Variants in PTPRT observed in about 807,000 individuals in gnomAD.
PTPRT encodes the protein receptor-type tyrosine-protein phosphatase T.
Under a neutral mutation model 176.8 loss-of-function variants are expected in PTPRT, and 56 were observed. The ratio of observed to expected loss-of-function variants is 0.32; its 90% CI spans 0.26 to 0.40. The LOEUF (loss-of-function observed/expected upper bound fraction) is 0.40. Among genes scored for constraint, PTPRT ranks in the 10% least tolerant of loss-of-function variants. PTPRT has a pLI of 1.00. For synonymous variants in PTPRT, 783 were observed against 739.0 expected, an observed-to-expected ratio of 1.06 and a Z score of -0.96; for missense variants, 1,540 against 1,908.2, an observed-to-expected ratio of 0.81 and a Z score of 3.60.
chr20:42,677,480 C>A (rs945093922), intron 7 of PTPRT, among the ~76,000 whole-genome samples: 5 of 151,996 alleles, frequency 3.3e-5, no homozygotes, highest in Non-Finnish European at 5.9e-5. Flanking sequence ...GAGACAAAAC[C>A]AAGAGCCCTC....
intron 15 of PTPRT, among the ~76,000 whole-genome samples, chr20:42,225,583 A>T (rs1175421154): frequency 1.3e-5 from 2 of 152,274 alleles, no homozygotes; most frequent in Admixed American, 6.5e-5. Context: ...GTTATGAAAA[A>T]AAGTGTGTTT....
At chr20:42,766,495 A>C (rs2076984703) in intron 5 of PTPRT, among the ~76,000 whole-genome samples, 1 of 152,200 alleles carries the variant, frequency 6.6e-6, no homozygotes, top group Non-Finnish European at 1.5e-5. Context: ...GTAATTCCAC[A>C]AAAGCCAGCA....
chr20:42,051,187 G>T, the PTPRT span, among the ~76,000 whole-genome samples: 1 of 152,200 alleles, frequency 6.6e-6, no homozygotes, highest in Non-Finnish European at 1.5e-5. Context: ...GACCAAAAGT[G>T]GTCATCGCCT....
intron 2 of PTPRT, among the ~76,000 whole-genome samples, chr20:42,850,312 G>C (rs952056516): frequency 6.6e-6 from 1 of 152,128 alleles, no homozygotes; most frequent in African/African-American, 2.4e-5. Context: ...AGATTCCCAG[G>C]TCCTCAAGTT....
chr20:42,974,861 A>G (rs1982851536), intron 1 of PTPRT, among the ~76,000 whole-genome samples: 1 of 152,212 alleles, frequency 6.6e-6, no homozygotes. Flanking sequence ...TGTCATCAGC[A>G]TTCGTTCCAA....
At chr20:42,898,440 C>G (rs2079342531) in intron 1 of PTPRT, among the ~76,000 whole-genome samples, 2 of 152,250 alleles carry the variant, frequency 1.3e-5, no homozygotes, top group South Asian at 2.1e-4. Context: ...ACTGCTGGCC[C>G]TAAGTGATCC....
chr20:42,248,107 G>A (rs888909645), intron 14 of PTPRT, among the ~76,000 whole-genome samples: 1 of 152,118 alleles, frequency 6.6e-6, no homozygotes, highest in African/African-American at 2.4e-5. Context: ...CTTTTGAGAG[G>A]TGACAAACAA....
intron 18 of PTPRT, 81 bp from the exon 19 acceptor site, chr20:42,128,911 T>G: frequency 8.5e-7 from 1 of 1,177,148 alleles, no homozygotes. Context: ...CTACTGTTTA[T>G]TAATGACTGC....
intron 1 of PTPRT, among the ~76,000 whole-genome samples, chr20:42,908,014 A>T (rs1225323036): frequency 6.6e-6 from 1 of 152,160 alleles, no homozygotes; most frequent in Non-Finnish European, 1.5e-5. Context: ...AAGAGGTAAC[A>T]GTCTGAAAGT....
intron 6 of PTPRT, 40 bp from the exon 7 acceptor site, chr20:42,678,199 T>G: frequency 6.4e-7 from 1 of 1,574,046 alleles, no homozygotes; most frequent in Non-Finnish European, 8.7e-7. Context: ...CAGATTCAAA[T>G]GATTTACAGA....
At chr20:42,925,177 A>T (rs1343373165) in intron 1 of PTPRT, among the ~76,000 whole-genome samples, 1 of 152,186 alleles carries the variant, frequency 6.6e-6, no homozygotes, top group Non-Finnish European at 1.5e-5. Flanking sequence ...CTCATGACAC[A>T]AGCTTTTCCA....
At chr20:42,045,636 C>T in the PTPRT span, among the ~76,000 whole-genome samples, 3 of 147,862 alleles carry the variant, frequency 2.0e-5, no homozygotes, top group African/African-American at 4.9e-5. Context: ...GCATTCAGTG[C>T]CTGTACAAGT....
At chr20:42,971,128 T>G (rs1466414667) in intron 1 of PTPRT, 1 of 152,250 alleles carries the variant, frequency 6.6e-6, no homozygotes, top group East Asian at 1.9e-4. Context: ...TCTGCACTTC[T>G]GTCACCTTTA....
chr20:42,883,708 C>CCACACACACA (rs2079045736), intron 2 of PTPRT, among the ~76,000 whole-genome samples: 15 of 128,746 alleles, frequency 1.2e-4, no homozygotes, highest in African/African-American at 4.0e-4. Context: ...CCATACACCC[C>CCACACACACA]CATACACACA....
At chr20:42,337,015 G>A (rs1237998541) in intron 11 of PTPRT, among the ~76,000 whole-genome samples, 3 of 152,156 alleles carry the variant, frequency 2.0e-5, no homozygotes, top group African/African-American at 2.4e-5. Context: ...ACTGGGCAAG[G>A]GGAGTTTTTT....
In PTPRT at chr20:42,189,462, T is replaced by G. The variant is rs1600653405; in HGVS notation, c.2491+9778A>C. Among the ~76,000 whole-genome samples, 5 of 152,312 alleles carry G rather than the reference T, an allele frequency of 3.3e-5. No individual in the cohort carries two copies. In the South Asian group the frequency reaches 1.0e-3, roughly 32 times the overall value. ...ATTGGAGGCAGAGACCATGTCTTAT[T>G]TATCTTTACAATCCCTAAAATGCTT... On this transcript the variant is annotated intron_variant, in intron 16 of 30. Coordinates refer to ENST00000373187, the MANE Select transcript of PTPRT (RefSeq NM_007050.6).
At chr20:43,060,568 T>C (rs949145818) in intron 1 of PTPRT, among the ~76,000 whole-genome samples, 1 of 152,238 alleles carries the variant, frequency 6.6e-6, no homozygotes, top group African/African-American at 2.4e-5. Context: ...AGTTAATATT[T>C]TTAATTCGGC....
chr20:42,203,950 A>C (rs2055386649), intron 15 of PTPRT, among the ~76,000 whole-genome samples: 1 of 151,910 alleles, frequency 6.6e-6, no homozygotes, highest in Non-Finnish European at 1.5e-5. Context: ...AGGGCTTTTG[A>C]CTCTTTGCAC....
intron 1 of PTPRT, among the ~76,000 whole-genome samples, chr20:43,125,534 A>G (rs922092438): frequency 6.6e-6 from 1 of 152,246 alleles, no homozygotes; most frequent in Non-Finnish European, 1.5e-5. Flanking sequence ...AGCATCTATA[A>G]GCATCCAACT....
Sources: gnomAD v4.1 joint callset for allele counts (sites outside exome capture counted in the v4.1 genomes callset) on GRCh38, gnomAD v4.1.1 for gene constraint, MANE v1.5 for transcripts, NCBI Gene and HGNC (gene_info 2026-07-23, HGNC 2026-07-21) for gene names.